Variants in PKP4 observed in about 807,000 individuals in gnomAD.
The protein encoded by PKP4 is plakophilin-4.
PKP4 carries 90 observed loss-of-function variants against 145.1 expected under a neutral mutation model. That is an observed-to-expected ratio of 0.62 (90% CI 0.52 to 0.74). The LOEUF (loss-of-function observed/expected upper bound fraction) is 0.74, where lower values mean the gene tolerates loss of function less well. Among genes scored for constraint, PKP4 ranks in the 30% least tolerant of loss-of-function variants. PKP4 has a pLI of 0.00. For missense variants in PKP4, 1,340 were observed against 1,482.7 expected (o/e 0.90, Z 1.58); for synonymous variants, 563 against 577.2 (o/e 0.98, Z 0.35).
chr2:158,464,726 A>G (rs1690321806), intron 1 of PKP4, among the ~76,000 whole-genome samples: 1 of 152,244 alleles, frequency 6.6e-6, no homozygotes, highest in Non-Finnish European at 1.5e-5. Context: ...ATTATTTACC[A>G]CTTTGCAGTG....
intron 2 of PKP4, among the ~76,000 whole-genome samples, chr2:158,539,628 T>A (rs1253536438): frequency 1.3e-5 from 2 of 152,244 alleles, no homozygotes; most frequent in African/African-American, 4.8e-5. Flanking sequence ...ATCCTGGCAG[T>A]TATTGTTACC....
At chr2:158,645,464 C>T (rs1346259530) in intron 11 of PKP4, among the ~76,000 whole-genome samples, 1 of 152,216 alleles carries the variant, frequency 6.6e-6, no homozygotes, top group Non-Finnish European at 1.5e-5. Flanking sequence ...TGAGTGCTTT[C>T]CTGCTTTGTC....
At position 158,522,870 on chromosome 2, in the gene PKP4, G is replaced by C. The variant is rs867019425; in HGVS notation, c.-5-10310G>C. Among the ~76,000 whole-genome samples, 30 of 150,436 alleles carry C rather than the reference G, an allele frequency of 2.0e-4. 1 individual carries two copies. Among genetic ancestry groups the C allele is most frequent in the Admixed American group, 1.8e-3 (27 of 15,044 alleles). On this transcript the variant is annotated intron_variant, in intron 1 of 21. Coordinates refer to ENST00000389759, the MANE Select transcript of PKP4 (RefSeq NM_003628.6). ...TTTCCGAGTCAAAGAAAGGGGTGAC[G>C]GACGCACCTGGAAAATCGGGTCACT...
intron 2 of PKP4, among the ~76,000 whole-genome samples, chr2:158,576,028 T>C (rs2047816569): frequency 6.6e-6 from 1 of 152,196 alleles, no homozygotes; most frequent in African/African-American, 2.4e-5. Flanking sequence ...CCAGCTATTA[T>C]TCATCTAGGC....
At chr2:158,654,066 C>G (rs764551851) in intron 11 of PKP4, among the ~76,000 whole-genome samples, 3 of 152,172 alleles carry the variant, frequency 2.0e-5, no homozygotes, top group African/African-American at 7.2e-5. Context: ...TTAATTAAAT[C>G]TTTTTCATCC....
At chr2:158,476,992 C>A (rs184704945) in intron 1 of PKP4, among the ~76,000 whole-genome samples, 1 of 152,090 alleles carries the variant, frequency 6.6e-6, no homozygotes, top group Non-Finnish European at 1.5e-5. Flanking sequence ...GAATTATATT[C>A]TTTGTTCTGT....
At chr2:158,584,443 G>T (rs540678472) in intron 3 of PKP4, among the ~76,000 whole-genome samples, 1 of 152,164 alleles carries the variant, frequency 6.6e-6, no homozygotes. Context: ...TAAATTCACC[G>T]TTCCAGTAGG....
chr2:158,519,517 G>T (rs2042187280), intron 1 of PKP4, among the ~76,000 whole-genome samples: 1 of 152,018 alleles, frequency 6.6e-6, no homozygotes, highest in South Asian at 2.1e-4. Flanking sequence ...CCTGACATTG[G>T]CCCCAGGCCT....
intron 4 of PKP4, among the ~76,000 whole-genome samples, chr2:158,619,652 T>C (rs369856160): frequency 1.3e-5 from 2 of 152,280 alleles, no homozygotes; most frequent in East Asian, 3.9e-4. Flanking sequence ...ATGCCAGGCA[T>C]GAGTCAGCAC....
At chr2:158,624,428 A>G (rs1024161410) in intron 6 of PKP4, among the ~76,000 whole-genome samples, 1 of 152,242 alleles carries the variant, frequency 6.6e-6, no homozygotes, top group Non-Finnish European at 1.5e-5. Context: ...TATTCAAATT[A>G]TATTCAAATT....
At chr2:158,608,805 T>C (rs1443723778) in intron 4 of PKP4, among the ~76,000 whole-genome samples, 1 of 57,904 alleles carries the variant, frequency 1.7e-5, no homozygotes, top group African/African-American at 4.6e-5. Flanking sequence ...TTTTCTTTTC[T>C]TTCTTTTTTT....
chr2:158,638,168 T>A (rs193232278), intron 9 of PKP4, among the ~76,000 whole-genome samples: 7 of 152,364 alleles, frequency 4.6e-5, no homozygotes, highest in African/African-American at 1.7e-4. Flanking sequence ...AAACGATTGA[T>A]AACAGTTTCA....
At chr2:158,487,945 T>C (rs888459278) in intron 1 of PKP4, among the ~76,000 whole-genome samples, 1 of 152,342 alleles carries the variant, frequency 6.6e-6, no homozygotes, top group South Asian at 2.1e-4. Flanking sequence ...TATGGAGATA[T>C]GCCTAAATCA....
At chr2:158,627,072 G>C (rs778746292) in intron 7 of PKP4, among the ~76,000 whole-genome samples, 5 of 152,046 alleles carry the variant, frequency 3.3e-5, no homozygotes, top group Non-Finnish European at 7.4e-5. Context: ...TATTGAACTT[G>C]ATTTTTGAGC....
intron 1 of PKP4, among the ~76,000 whole-genome samples, chr2:158,462,900 T>C (rs539834480): frequency 2.6e-4 from 40 of 152,358 alleles, no homozygotes; most frequent in African/African-American, 9.4e-4. Flanking sequence ...CAACAGGAGC[T>C]GGTTCAGAGC....
chr2:158,516,571 A>G (rs923667005), intron 1 of PKP4, among the ~76,000 whole-genome samples: 2 of 152,130 alleles, frequency 1.3e-5, no homozygotes, highest in Non-Finnish European at 2.9e-5. Flanking sequence ...AAAATCATTT[A>G]GCTAGTTCAT....
At chr2:158,612,834 A>G (rs2051261419) in intron 4 of PKP4, among the ~76,000 whole-genome samples, 1 of 152,008 alleles carries the variant, frequency 6.6e-6, no homozygotes, top group African/African-American at 2.4e-5. Context: ...CCATCATGCT[A>G]ATTAACTCGT....
intron 2 of PKP4, among the ~76,000 whole-genome samples, chr2:158,551,724 C>T (rs1475937321): frequency 6.6e-6 from 1 of 152,160 alleles, no homozygotes; most frequent in East Asian, 1.9e-4. Context: ...CCATCAACCT[C>T]ATTTTTAAAA....
intron 16 of PKP4, chr2:158,669,471 G>T: frequency 3.1e-6 from 1 of 325,980 alleles, no homozygotes; most frequent in Non-Finnish European, 5.5e-6. Context: ...ATTTACATTT[G>T]CTTTCAGCAA....
Sources: allele counts gnomAD v4.1 joint callset (sites outside exome capture counted in the v4.1 genomes callset), GRCh38; gene constraint gnomAD v4.1.1; transcripts MANE v1.5; gene names NCBI Gene and HGNC (gene_info 2026-07-23, HGNC 2026-07-21).